CADM2: variants seen among roughly 807,000 people sequenced by gnomAD.
CADM2 encodes immunoglobulin superfamily member 4D.
Under a neutral mutation model 49.8 loss-of-function variants are expected in CADM2, and 12 were observed. That is an observed-to-expected ratio of 0.24 (90% CI 0.15 to 0.39). The LOEUF is 0.39. Among genes scored for constraint, CADM2 ranks in the 10% least tolerant of loss-of-function variants. The pLI is 1.00. For missense variants in CADM2, 378 were observed against 492.3 expected, an observed-to-expected ratio of 0.77 and a Z score of 2.20; for synonymous variants, 214 against 175.4, an observed-to-expected ratio of 1.22 and a Z score of -1.74.
At chr3:85,981,613 G>A (rs1164485751) in intron 8 of CADM2, among the ~76,000 whole-genome samples, 2 of 151,532 alleles carry the variant, frequency 1.3e-5, no homozygotes, top group Non-Finnish European at 3.0e-5. Flanking sequence ...GCAATATTTG[G>A]TTTTCTGTTC....
intron 1 of CADM2, among the ~76,000 whole-genome samples, chr3:85,558,936 A>G (rs1559909393): frequency 1.3e-5 from 2 of 152,118 alleles, no homozygotes; most frequent in African/African-American, 2.4e-5. Context: ...CTTCAAACAG[A>G]CAGCAAGCCA....
At chr3:85,860,256 C>T (rs1444191822) in intron 3 of CADM2, among the ~76,000 whole-genome samples, 1 of 152,024 alleles carries the variant, frequency 6.6e-6, no homozygotes, top group Non-Finnish European at 1.5e-5. Context: ...CTCTTACGGA[C>T]ATAGGAGGCA....
At chr3:84,965,666 G>A (rs1031340170) in intron 1 of CADM2, among the ~76,000 whole-genome samples, 1 of 152,184 alleles carries the variant, frequency 6.6e-6, no homozygotes, top group African/African-American at 2.4e-5. Context: ...TATTTTTTAC[G>A]TGTGTTGGAC....
At chr3:85,446,454 C>T (rs1559844299) in intron 1 of CADM2, among the ~76,000 whole-genome samples, 1 of 152,030 alleles carries the variant, frequency 6.6e-6, no homozygotes, top group Non-Finnish European at 1.5e-5. Flanking sequence ...TCTTGTAGCA[C>T]CATTTAACCA....
chr3:85,291,884 C>T lies in CADM2; in HGVS notation c.61+332216C>T, dbSNP rs866516825. Reference sequence around the variant, plus strand: ...ACTAGGAAGAAACTGCATCAACTAACGAGCAAAATAACCAGCTAACATCAT... The same window carrying T: ...ACTAGGAAGAAACTGCATCAACTAATGAGCAAAATAACCAGCTAACATCAT... On this transcript the variant is annotated intron_variant, in intron 1 of 9. Coordinates refer to ENST00000383699, the MANE Select transcript of CADM2 (RefSeq NM_001167675.2). Among the ~76,000 whole-genome samples the T allele has an allele frequency of 1.7e-4, 25 of 150,448 alleles. 1 individual carries two copies. The highest frequency in any genetic ancestry group is 1.2e-3 in the East Asian group (6 of 5,134).
chr3:85,378,140 C>A (rs761422223), intron 1 of CADM2, among the ~76,000 whole-genome samples: 8 of 151,786 alleles, frequency 5.3e-5, no homozygotes, highest in Non-Finnish European at 1.0e-4. Context: ...TCATTCACAC[C>A]AATAGTCCTA....
intron 1 of CADM2, among the ~76,000 whole-genome samples, chr3:85,400,977 G>A (rs1025191940): frequency 2.0e-5 from 3 of 152,066 alleles, no homozygotes; most frequent in African/African-American, 7.2e-5. Flanking sequence ...ATCCCCTCCC[G>A]GCTGCTGCCT....
chr3:86,027,805 C>T (rs920063226), intron 8 of CADM2: 1 of 151,446 alleles, frequency 6.6e-6, no homozygotes, highest in South Asian at 2.1e-4. Context: ...TAGTTAAATC[C>T]AAAAACAACA....
chr3:85,245,446 A>T (rs1296487444), intron 1 of CADM2, among the ~76,000 whole-genome samples: 2 of 151,792 alleles, frequency 1.3e-5, no homozygotes, highest in African/African-American at 4.8e-5. Context: ...CGGGAGGCGA[A>T]GCTTGCAGTG....
chr3:85,640,325 C>A (rs2064669365), intron 1 of CADM2, among the ~76,000 whole-genome samples: 1 of 152,158 alleles, frequency 6.6e-6, no homozygotes, highest in Non-Finnish European at 1.5e-5. Context: ...AGAGCACAAT[C>A]CATGTTTAAG....
Position 85,527,386 on chromosome 3 carries a change from ACT to A in CADM2, c.62-199130_62-199129del, listed in dbSNP as rs909065470. Among the ~76,000 whole-genome samples, 117 of 150,256 alleles carry A rather than the reference ACT, an allele frequency of 7.8e-4. 3 individuals carry two copies. The highest frequency in any genetic ancestry group is 1.0e-3 in the Non-Finnish European group (69 of 67,456). The stretch of plus-strand genomic sequence containing the variant: ...TCTAGCCTGGGCGACAGAGCAAGAC[ACT>A]CTCTCCAAAACAAAGAAAGAAAAAA... On this transcript the variant is annotated intron_variant, in intron 1 of 9. Coordinates refer to ENST00000383699, the MANE Select transcript of CADM2 (RefSeq NM_001167675.2).
chr3:85,628,211 G>A (rs1464560180), intron 1 of CADM2, among the ~76,000 whole-genome samples: 1 of 151,974 alleles, frequency 6.6e-6, no homozygotes, highest in Non-Finnish European at 1.5e-5. Flanking sequence ...TAATAATTCT[G>A]CCTTTGCAGA....
At chr3:85,866,217 A>G (rs577135979) in intron 3 of CADM2, among the ~76,000 whole-genome samples, 6 of 152,354 alleles carry the variant, frequency 3.9e-5, no homozygotes, top group African/African-American at 1.4e-4. Flanking sequence ...CTAACATTTT[A>G]CTAAGAAAGG....
intron 1 of CADM2, among the ~76,000 whole-genome samples, chr3:85,532,021 C>G (rs1339008261): frequency 6.6e-6 from 1 of 151,914 alleles, no homozygotes; most frequent in African/African-American, 2.4e-5. Flanking sequence ...ACTAACAATG[C>G]AAAAAATTAG....
chr3:85,611,950 T>C (rs1190372916), intron 1 of CADM2, among the ~76,000 whole-genome samples: 1 of 151,546 alleles, frequency 6.6e-6, no homozygotes, highest in Non-Finnish European at 1.5e-5. Flanking sequence ...AAAATTAACT[T>C]CTCCAGGAAG....
chr3:85,501,891 C>A (rs2040132548), intron 1 of CADM2, among the ~76,000 whole-genome samples: 1 of 152,108 alleles, frequency 6.6e-6, no homozygotes, highest in Admixed American at 6.5e-5. Flanking sequence ...ATTATATCTC[C>A]TTTCTTGTCC....
At chr3:85,414,499 T>G (rs566733720) in intron 1 of CADM2, among the ~76,000 whole-genome samples, 1 of 152,190 alleles carries the variant, frequency 6.6e-6, no homozygotes, top group Non-Finnish European at 1.5e-5. Context: ...ACCAACTTCA[T>G]TTTAGGTTTC....
intron 1 of CADM2, among the ~76,000 whole-genome samples, chr3:85,261,226 G>A (rs1402582880): frequency 5.9e-5 from 9 of 151,830 alleles, no homozygotes; most frequent in Admixed American, 2.0e-4. Flanking sequence ...AACCTCTGCC[G>A]CCTGGGTTCA....
At chr3:85,000,114 T>TTCTCTCTCTCTCTCTCTCTCTCTC (rs59094520) in intron 1 of CADM2, among the ~76,000 whole-genome samples, 13 of 136,836 alleles carry the variant, frequency 9.5e-5, no homozygotes, top group Admixed American at 8.4e-4. Context: ...TGCTTCTACT[T>TTCTCTCTCTCTCTCTCTCTCTCTC]TCTCTCTCTC....
Sources: allele counts gnomAD v4.1 joint callset (sites outside exome capture counted in the v4.1 genomes callset), GRCh38; gene constraint gnomAD v4.1.1; transcripts MANE v1.5; gene names NCBI Gene and HGNC (gene_info 2026-07-23, HGNC 2026-07-21).